The following LEKR1 variants were observed in gnomAD, a reference collection of about 807,000 sequenced individuals.
LEKR1 encodes the protein protein LEKR1.
A neutral mutation model predicts 72.4 loss-of-function variants in LEKR1; 59 were observed. The observed-to-expected ratio is 0.82, with a 90% CI of 0.66 to 1.01. The LOEUF (loss-of-function observed/expected upper bound fraction) is 1.01, where lower values mean the gene tolerates loss of function less well. Among genes scored for constraint, LEKR1 ranks in the 50% least tolerant of loss-of-function variants. LEKR1 has a pLI of 0.00. For synonymous variants in LEKR1, 257 were observed against 263.2 expected (o/e 0.98, Z 0.23); for missense variants, 728 against 759.2 (o/e 0.96, Z 0.48).
At chr3:157,001,079 C>G (rs923075281) in intron 9 of LEKR1, among the ~76,000 whole-genome samples, 1 of 152,168 alleles carries the variant, frequency 6.6e-6, no homozygotes, top group Non-Finnish European at 1.5e-5. Flanking sequence ...CCATGCTGAA[C>G]TTTGAGTCAA....
At chr3:157,030,596 C>G in intron 12 of LEKR1, among the ~76,000 whole-genome samples, 1 of 152,174 alleles carries the variant, frequency 6.6e-6, no homozygotes, top group East Asian at 1.9e-4. Flanking sequence ...TGCTACGTGA[C>G]AAATTACCCC....
intron 9 of LEKR1, among the ~76,000 whole-genome samples, chr3:157,000,417 G>A (rs1255441969): frequency 1.3e-5 from 2 of 152,034 alleles, no homozygotes; most frequent in African/African-American, 4.8e-5. Context: ...TCCATTCTTA[G>A]TTTAAAAAGA....
chr3:157,012,415 C>T (rs554700891), intron 10 of LEKR1, among the ~76,000 whole-genome samples: 1 of 152,276 alleles, frequency 6.6e-6, no homozygotes, highest in East Asian at 1.9e-4. Context: ...AGATTCTTCT[C>T]CTTGGGGATT....
At chr3:156,929,060 A>G (rs112290229) in intron 5 of LEKR1, among the ~76,000 whole-genome samples, 4,817 of 152,112 alleles carry the variant, frequency 0.032, 116 homozygotes, top group Non-Finnish European at 0.047. Flanking sequence ...AGGAAAATAT[A>G]CTAGTAATGA....
In LEKR1 at chr3:157,045,737, G is replaced by A. The variant is rs747754874; in HGVS notation, c.2066G>A (p.Arg689Gln). The stretch of plus-strand genomic sequence containing the variant: ...CTGGCTGCCATTCTTAGGAGAAGGC[G>A]GAGTCAGCAATGATCCAAAATGAGG... ...QRLAAILRRRRSQQ is the reference protein window; with the variant it reads ...QRLAAILRRRQSQQ The change falls in exon 13 of 13, where the codon CGG (arginine) becomes CAG (glutamine). Residue 689 changes from arginine (R) to glutamine (Q), a missense_variant. Coordinates refer to ENST00000356539, the MANE Select transcript of LEKR1 (RefSeq NM_001004316.3). 3 of 1,607,986 alleles carry A rather than the reference G, an allele frequency of 1.9e-6. No individual in the cohort carries two copies. The highest frequency in any genetic ancestry group is 1.3e-5 in the African/African-American group (1 of 75,030).
At chr3:156,864,493 C>T (rs1717099341) in intron 3 of LEKR1, among the ~76,000 whole-genome samples, 1 of 152,068 alleles carries the variant, frequency 6.6e-6, no homozygotes, top group Admixed American at 6.6e-5. Flanking sequence ...GAAATCTTCA[C>T]TTAAACTGAG....
At chr3:156,884,116 G>A (rs1719797596) in intron 3 of LEKR1, among the ~76,000 whole-genome samples, 1 of 152,082 alleles carries the variant, frequency 6.6e-6, no homozygotes, top group South Asian at 2.1e-4. Flanking sequence ...GTTTCCATGT[G>A]CATGGAGTAT....
intron 9 of LEKR1, among the ~76,000 whole-genome samples, chr3:157,000,158 T>G (rs1166649657): frequency 6.6e-6 from 1 of 152,148 alleles, no homozygotes; most frequent in African/African-American, 2.4e-5. Context: ...TCAGTATTCT[T>G]CTCTTCACTC....
chr3:156,911,903 T>G (rs909566622), intron 3 of LEKR1, among the ~76,000 whole-genome samples: 5 of 152,174 alleles, frequency 3.3e-5, no homozygotes, highest in South Asian at 2.1e-4. Context: ...TTAGTTACTG[T>G]AGCCTTATGG....
intron 3 of LEKR1, among the ~76,000 whole-genome samples, chr3:156,855,442 A>T (rs1351240628): frequency 6.6e-6 from 1 of 152,202 alleles, no homozygotes; most frequent in Non-Finnish European, 1.5e-5. Flanking sequence ...TTACCTATAC[A>T]CATATATTGA....
intron 3 of LEKR1, among the ~76,000 whole-genome samples, chr3:156,912,691 T>C (rs542613245): frequency 6.6e-6 from 1 of 152,220 alleles, no homozygotes; most frequent in African/African-American, 2.4e-5. Context: ...CTGCCACCAC[T>C]GTTTGAATTA....
intron 5 of LEKR1, among the ~76,000 whole-genome samples, chr3:156,930,207 A>T (rs1378939562): frequency 6.6e-6 from 1 of 152,202 alleles, no homozygotes; most frequent in Admixed American, 6.5e-5. Context: ...AGATAAATCA[A>T]TAGAAATTAT....
At chr3:157,012,598 T>C (rs2108023913) in intron 10 of LEKR1, among the ~76,000 whole-genome samples, 1 of 152,220 alleles carries the variant, frequency 6.6e-6, no homozygotes, top group East Asian at 1.9e-4. Context: ...CAGTTGGCCA[T>C]ACTCAGCCAA....
intron 2 of LEKR1, among the ~76,000 whole-genome samples, chr3:156,848,990 T>C (rs1231645523): frequency 9.9e-5 from 15 of 152,192 alleles, no homozygotes; most frequent in Admixed American, 6.5e-4. Flanking sequence ...GATGACATGA[T>C]TGTATATCTA....
At chr3:156,860,490 AG>A (rs1247413266) in intron 3 of LEKR1, among the ~76,000 whole-genome samples, 3 of 152,186 alleles carry the variant, frequency 2.0e-5, no homozygotes, top group African/African-American at 7.2e-5. Context: ...AGTCAGCCCA[AG>A]GATAGGGCTA....
chr3:156,922,897 TA>T (rs1438779112), intron 4 of LEKR1, among the ~76,000 whole-genome samples: 1 of 152,228 alleles, frequency 6.6e-6, no homozygotes, highest in African/African-American at 2.4e-5. Context: ...GTGAATCTTT[TA>T]TAAATTATTT....
At chr3:156,887,846 TTTTCCAGATGGTATATCTTG>T (rs1720264052) in intron 3 of LEKR1, among the ~76,000 whole-genome samples, 1 of 152,222 alleles carries the variant, frequency 6.6e-6, no homozygotes, top group Non-Finnish European at 1.5e-5. Flanking sequence ...ATTCATTCTT[TTTTCCAGATGGTATATCTTG>T]AGAAATATAT....
rs914720553 is a variant in LEKR1 at position 156,899,354 on chromosome 3, G to A, written c.264-21221G>A. 2.3e-4 allele frequency among the ~76,000 whole-genome samples: 24 copies of A among 106,356 alleles called. 1 individual carries two copies. Among genetic ancestry groups the A allele is most frequent in the South Asian group, 8.5e-4 (3 of 3,522 alleles). The allele number at this position is 106,356 out of a possible 152,430, so 69.8% of individuals were successfully genotyped here. ...TATACATATATACACATATATACAT[G>A]TATATATACATATATACATATATAC... On this transcript the variant is annotated intron_variant, in intron 3 of 12. Transcript: ENST00000356539.
chr3:157,045,838 T>C lies in LEKR1; in HGVS notation c.*88T>C, dbSNP rs1325553389. 8.4e-7 allele frequency: 1 copy of C among 1,196,584 alleles called. No homozygotes were observed. Among genetic ancestry groups the C allele is most frequent in the Non-Finnish European group, 1.2e-6 (1 of 852,634 alleles). The allele number at this position is 1,196,584 out of a possible 1,614,324, so 74.1% of individuals were successfully genotyped here. ...TCACTGTAACTGAGAATGACAATGATAAAATTATTTTCACAGATCAGGAAG... is the reference window on the plus strand; with the variant it reads ...TCACTGTAACTGAGAATGACAATGACAAAATTATTTTCACAGATCAGGAAG... On this transcript the variant is annotated 3_prime_UTR_variant, in exon 13 of 13. Coordinates refer to ENST00000356539, the MANE Select transcript of LEKR1 (RefSeq NM_001004316.3).
Sources: gnomAD v4.1 joint callset for allele counts (sites outside exome capture counted in the v4.1 genomes callset) on GRCh38, gnomAD v4.1.1 for gene constraint, MANE v1.5 for transcripts, NCBI Gene and HGNC (gene_info 2026-07-23, HGNC 2026-07-21) for gene names.